Variants in KHDC3L observed in about 807,000 individuals in gnomAD.
KHDC3L encodes the protein KH domain containing 3 like, subcortical maternal complex member.
In KHDC3L, 6 loss-of-function variants were observed where a neutral mutation model predicts 11.4. That is an observed-to-expected ratio of 0.52 (90% CI 0.29 to 1.03). The LOEUF (loss-of-function observed/expected upper bound fraction) is 1.03, where lower values mean the gene tolerates loss of function less well. Ranked by LOEUF, KHDC3L falls within the 50% of genes least tolerant of loss-of-function variation. KHDC3L has a pLI of 0.09. For missense variants in KHDC3L, 293 were observed against 290.4 expected (o/e 1.01, Z -0.07); for synonymous variants, 127 against 120.9 (o/e 1.05, Z -0.33).
In KHDC3L at chr6:73,363,081, T is replaced by C; in HGVS notation, c.170-14T>C. 1 of 1,613,764 alleles carries C rather than the reference T, an allele frequency of 6.2e-7. No homozygotes were observed. Among genetic ancestry groups the C allele is most frequent in the Middle Eastern group, 1.7e-4 (1 of 5,800 alleles). ...AGCCACCGGTCCCTCACAGCCTCTC[T>C]GCTACCCGCGCAGGCCGGGGCGGAG... On this transcript the variant is annotated splice_polypyrimidine_tract_variant and intron_variant, in intron 1 of 2. Transcript: ENST00000370367.
Position 73,362,862 on chromosome 6 carries a change from G to C in KHDC3L, c.133G>C (p.Val45Leu), listed in dbSNP as rs1454188248. 4 of 1,614,234 alleles carry C rather than the reference G, an allele frequency of 2.5e-6. No homozygotes were observed. Among genetic ancestry groups the C allele is most frequent in the Non-Finnish European group, 3.4e-6 (4 of 1,180,040 alleles). ...HSEFLKNPKV[V>L]RLEVWLVEKI... ...TGAGTTCCTGAAGAATCCGAAGGTA[G>C]TTCGCCTTGAGGTTTGGCTGGTGGA... Residue 45 changes from valine (V) to leucine (L), a missense_variant, in exon 1 of 3, where the codon GTT becomes CTT. Transcript: ENST00000370367.
intron 2 of KHDC3L, 36 bp from the exon 3 acceptor site, chr6:73,363,518 GAC>G: frequency 1.3e-6 from 2 of 1,592,976 alleles, no homozygotes; most frequent in Non-Finnish European, 1.7e-6. Context: ...AGGATATAGA[GAC>G]ACAGCTGTGG....
At chr6:73,363,355 G>A (rs1655892516) in intron 2 of KHDC3L, 81 bp downstream of exon 2, 2 of 1,555,800 alleles carry the variant, frequency 1.3e-6, no homozygotes, top group South Asian at 1.1e-5. Flanking sequence ...CTGCTGGGGC[G>A]GCAGTCTCGC....
rs1314925598 is a variant in KHDC3L, at chr6:73,363,972, CT to C, written c.*113del. 2.6e-6 allele frequency: 3 copies of C among 1,163,416 alleles called. No individual in the cohort carries two copies. The African/African-American group carries it at 4.5e-5, about 18-fold the overall frequency. The allele number at this position is 1,163,416 out of a possible 1,614,324, so 72.1% of individuals were successfully genotyped here. On this transcript the variant is annotated 3_prime_UTR_variant, in exon 3 of 3. Coordinates refer to ENST00000370367, the MANE Select transcript of KHDC3L (RefSeq NM_001017361.3). ...ATGTGGATTTTTTGTTTTACCCTTT[CT>C]GTTGCATGGTTGCAAACACAAACTT...
chr6:73,363,582 G>A lies in KHDC3L; in HGVS notation c.376G>A (p.Val126Ile), dbSNP rs1768907518. 2.5e-6 allele frequency: 4 copies of A among 1,611,268 alleles called. No homozygotes were observed. Among genetic ancestry groups the A allele is most frequent in the Non-Finnish European group, 3.4e-6 (4 of 1,179,948 alleles). Residue 126 changes from valine (V) to isoleucine (I), a missense_variant, in exon 3 of 3, where the codon GTC (valine) becomes ATC (isoleucine). Coordinates refer to ENST00000370367, the MANE Select transcript of KHDC3L (RefSeq NM_001017361.3). ...CTCAGGAAAGGCCCTCGCCCAGGAT[G>A]TCGCCACTCAGAAGGCCGAGACCCA... ...KGSGKALAQD[V>I]ATQKAETQRS... is the part of the protein sequence containing the mutation.
At position 73,363,562 on chromosome 6, in the gene KHDC3L, G is replaced by A; in HGVS notation, c.356G>A (p.Gly119Glu). Reference sequence around the variant, plus strand: ...CACACTGCTCTTCTTCCAGGCTCAGGAAAGGCCCTCGCCCAGGATGTCGCC... The same window carrying A: ...CACACTGCTCTTCTTCCAGGCTCAGAAAAGGCCCTCGCCCAGGATGTCGCC... ...YHRQLQAKGSGKALAQDVATQ... is the reference protein window; with the variant it reads ...YHRQLQAKGSEKALAQDVATQ... The change falls in exon 3 of 3, where the codon GGA becomes GAA. Residue 119 changes from glycine (G) to glutamate (E), a missense_variant. By Grantham distance (98) the Gly-to-Glu change is moderately conservative (BLOSUM62 -2). Transcript: ENST00000370367. 6.2e-7 allele frequency: 1 copy of A among 1,608,598 alleles called. No homozygotes were observed. Among genetic ancestry groups the A allele is most frequent in the Non-Finnish European group, 8.5e-7 (1 of 1,179,814 alleles).
In KHDC3L at chr6:73,363,610, G is replaced by A. The variant is rs1488094962; in HGVS notation, c.404G>A (p.Arg135Gln). Residue 135 changes from arginine to glutamine, a missense_variant, in exon 3 of 3, where the codon CGG becomes CAG. Arg to Gln is a conservative substitution (Grantham distance 43, BLOSUM62 1). Transcript: ENST00000370367. ...DVATQKAETQ[R>Q]SSIEVREAGT... ...GCCACTCAGAAGGCCGAGACCCAGC[G>A]GTCTTCAATAGAAGTCCGGGAGGCC... 5 of 1,612,958 alleles carry A rather than the reference G, an allele frequency of 3.1e-6. No individual in the cohort carries two copies. Among genetic ancestry groups the A allele is most frequent in the East Asian group, 2.2e-5 (1 of 44,872 alleles).
Position 73,363,078 on chromosome 6 carries a change from C to G in KHDC3L, c.170-17C>G. Reference sequence around the variant, plus strand: ...GGGAGCCACCGGTCCCTCACAGCCTCTCTGCTACCCGCGCAGGCCGGGGCG... The same window carrying G: ...GGGAGCCACCGGTCCCTCACAGCCTGTCTGCTACCCGCGCAGGCCGGGGCG... On this transcript the variant is annotated splice_polypyrimidine_tract_variant and intron_variant, in intron 1 of 2. Transcript: ENST00000370367. 6.2e-7 allele frequency: 1 copy of G among 1,613,776 alleles called. No homozygotes were observed. Among genetic ancestry groups the G allele is most frequent in the Non-Finnish European group, 8.5e-7 (1 of 1,180,036 alleles).
At position 73,363,747 on chromosome 6, in the gene KHDC3L, C is replaced by T; in HGVS notation, c.541C>T (p.Gln181Ter). ...GGAGGTGCAGGAGGCCGGGACCCAG[C>T]AGTCTCTCCAGGCTGCCAACAAGTC... ...PVEVQEAGTQ[Q>*]SLQAANKSGT... The change falls in exon 3 of 3, where the codon CAG becomes TAG. Residue 181 changes from glutamine (Q) to a stop codon, truncating the protein, a stop_gained. Coordinates refer to ENST00000370367, the MANE Select transcript of KHDC3L (RefSeq NM_001017361.3). LOFTEE classifies it low-confidence loss of function (END_TRUNC). 4 of 1,613,788 alleles carry T rather than the reference C, an allele frequency of 2.5e-6. No homozygotes were observed. Among genetic ancestry groups the T allele is most frequent in the Non-Finnish European group, 3.4e-6 (4 of 1,179,958 alleles).
At position 73,363,828 on chromosome 6, in the gene KHDC3L, G is replaced by C; in HGVS notation, c.622G>C (p.Glu208Gln). 6.2e-7 allele frequency: 1 copy of C among 1,610,556 alleles called. No individual in the cohort carries two copies. Among genetic ancestry groups the C allele is most frequent in the Non-Finnish European group, 8.5e-7 (1 of 1,179,604 alleles). Residue 208 changes from glutamate (E) to glutamine (Q), a missense_variant, in exon 3 of 3, where the codon GAG (glutamate) becomes CAG (glutamine). Glu to Gln is a conservative substitution (Grantham distance 29, BLOSUM62 2). Coordinates refer to ENST00000370367, the MANE Select transcript of KHDC3L (RefSeq NM_001017361.3). ...CAAGGCAGTGACCCAGCGGTTTCGCGAGGATGCCCGGGACCCAGTTACTAG... is the reference window on the plus strand; with the variant it reads ...CAAGGCAGTGACCCAGCGGTTTCGCCAGGATGCCCGGGACCCAGTTACTAG... Reference protein sequence around the residue: ...ASKAVTQRFREDARDPVTRL With the variant: ...ASKAVTQRFRQDARDPVTRL
rs201481971 is a variant in KHDC3L at position 73,363,894 on chromosome 6, G to C, written c.*34G>C. 227 of 1,598,892 alleles carry C rather than the reference G, an allele frequency of 1.4e-4. No individual in the cohort carries two copies. In the African/African-American group the frequency reaches 2.6e-3, roughly 19 times the overall value. ...CAGGCCCTGGAGCCAGAGCCAGTCA[G>C]GGGTTAAAGTGAAAGCCCGTATTTC... On this transcript the variant is annotated 3_prime_UTR_variant, in exon 3 of 3. Transcript: ENST00000370367.
Position 73,363,788 on chromosome 6 carries a change from C to A in KHDC3L, c.582C>A (p.Ser194=). The stretch of plus-strand genomic sequence containing the variant: ...CCAACAAGTCGGGGACCCAGCGATC[C>A]CCCGAAGCTGCCAGCAAGGCAGTGA... The part of the protein sequence containing the change: ...QAANKSGTQR[S]PEAASKAVTQ... The change falls in exon 3 of 3, where the codon TCC becomes TCA. Residue 194 remains serine (S), a synonymous_variant. Transcript: ENST00000370367. 6.2e-7 allele frequency: 1 copy of A among 1,612,698 alleles called. No homozygotes were observed. Among genetic ancestry groups the A allele is most frequent in the Non-Finnish European group, 8.5e-7 (1 of 1,179,642 alleles).
At chr6:73,362,999 T>C (rs1768894120) in intron 1 of KHDC3L, 96 bp from the exon 2 acceptor site, 1 of 1,600,876 alleles carries the variant, frequency 6.2e-7, no homozygotes, top group East Asian at 2.2e-5. Flanking sequence ...TCCTCACCAG[T>C]AGCCAATGCC....
At chr6:73,362,941 T>G in intron 1 of KHDC3L, 43 bp downstream of exon 1, 1 of 1,613,308 alleles carries the variant, frequency 6.2e-7, no homozygotes, top group Non-Finnish European at 8.5e-7. Flanking sequence ...GGCTTCTTTC[T>G]GCCACCCATA....
rs1768909332 is a variant in KHDC3L, at chr6:73,363,646, G to C, written c.440G>C (p.Arg147Pro). 6.2e-7 allele frequency: 1 copy of C among 1,612,666 alleles called. No individual in the cohort carries two copies. The highest frequency in any genetic ancestry group is 1.3e-5 in the African/African-American group (1 of 74,740). ...GAAGTCCGGGAGGCCGGGACGCAGC[G>C]TTCGGTGGAGGTCCGGGAGGCCGGG... is the stretch of plus-strand genomic sequence containing the variant. ...SIEVREAGTQRSVEVREAGTQ... is the reference protein window; with the variant it reads ...SIEVREAGTQPSVEVREAGTQ... Residue 147 changes from arginine (R) to proline (P), a missense_variant, in exon 3 of 3, where the codon CGT becomes CCT. Coordinates refer to ENST00000370367, the MANE Select transcript of KHDC3L (RefSeq NM_001017361.3).
rs758458914 is a variant in KHDC3L, at chr6:73,363,202, C to G, written c.277C>G (p.Pro93Ala). The change falls in exon 2 of 3, where the codon CCT becomes GCT. Residue 93 changes from proline to alanine, a missense_variant. Physicochemically the swap from Pro to Ala is conservative, Grantham distance 27. Transcript: ENST00000370367. ...GGCTGAGATCTTGGTATTTGGGAGG[C>G]CTTCTTACCAGGAGGACACAATCAA... Reference protein sequence around the residue: ...GEAEILVFGRPSYQEDTIKMI... With the variant: ...GEAEILVFGRASYQEDTIKMI... The G allele has an allele frequency of 6.2e-7, 1 of 1,614,048 alleles. No individual in the cohort carries two copies. The highest frequency in any genetic ancestry group is 8.5e-7 in the Non-Finnish European group (1 of 1,180,028).
chr6:73,364,145 T>C lies in KHDC3L; in HGVS notation c.*285T>C. On this transcript the variant is annotated 3_prime_UTR_variant, in exon 3 of 3. Coordinates refer to ENST00000370367, the MANE Select transcript of KHDC3L (RefSeq NM_001017361.3). ...TGTTGAATGGTTGCCAACACAAACT[T>C]GAGTTCTAATAAATAATTGCATTTC... is the stretch of plus-strand genomic sequence containing the variant. 1.9e-6 allele frequency: 1 copy of C among 515,758 alleles called. No homozygotes were observed. The highest frequency in any genetic ancestry group is 3.5e-6 in the Non-Finnish European group (1 of 285,328). 31.9% of individuals were successfully genotyped at this position (515,758 alleles called of 1,614,324 possible).
At position 73,364,075 on chromosome 6, in the gene KHDC3L, G is replaced by A. The variant is rs1383770896; in HGVS notation, c.*215G>A. The stretch of plus-strand genomic sequence containing the variant: ...GCCTCACTTAAGTCCAGGAAGCTGG[G>A]GTGGCGAGGAAGGATGATGTGGATT... On this transcript the variant is annotated 3_prime_UTR_variant, in exon 3 of 3. Coordinates refer to ENST00000370367, the MANE Select transcript of KHDC3L (RefSeq NM_001017361.3). The A allele has an allele frequency of 1.6e-6, 1 of 616,650 alleles. No individual in the cohort carries two copies. Among genetic ancestry groups the A allele is most frequent in the Non-Finnish European group, 2.9e-6 (1 of 348,308 alleles). The allele number at this position is 616,650 out of a possible 1,614,324, so 38.2% of individuals were successfully genotyped here. A position where few individuals can be genotyped will look rare whatever the true frequency, so the allele number is the denominator to read the frequency against.
rs775695947 is a variant in KHDC3L, at chr6:73,363,698, G to A, written c.492G>A (p.Glu164=). 1 of 1,613,202 alleles carries A rather than the reference G, an allele frequency of 6.2e-7. No individual in the cohort carries two copies. Among genetic ancestry groups the A allele is most frequent in the Admixed American group, 1.7e-5 (1 of 60,000 alleles). The change falls in exon 3 of 3, where the codon GAG becomes GAA. Residue 164 remains glutamate (E), a synonymous_variant. Transcript: ENST00000370367. ...AGTQRSVEVQ[E]VGTQGSPVEV... ...CCCAGCGTTCGGTGGAAGTCCAGGA[G>A]GTCGGGACACAGGGTTCTCCGGTGG... is the stretch of plus-strand genomic sequence containing the variant.
Sources: gnomAD v4.1 joint callset for allele counts on GRCh38, gnomAD v4.1.1 for gene constraint, MANE v1.5 for transcripts, NCBI Gene and HGNC (gene_info 2026-07-23, HGNC 2026-07-21) for gene names.